TENM2: variants seen among roughly 807,000 people sequenced by gnomAD.
TENM2 encodes the protein teneurin transmembrane protein 2.
Under a neutral mutation model 245.2 loss-of-function variants are expected in TENM2, and 52 were observed. The observed-to-expected ratio is 0.21, with a 90% CI of 0.17 to 0.27. TENM2 has a LOEUF of 0.27. TENM2 is among the 10% of genes least tolerant of loss of function. The pLI is 1.00. For synonymous variants in TENM2, 1,363 were observed against 1,438.9 expected, an observed-to-expected ratio of 0.95 and a Z score of 1.19; for missense variants, 3,046 against 3,666.8, an observed-to-expected ratio of 0.83 and a Z score of 4.37.
At chr5:168,005,575 G>C (rs1017139081) in intron 5 of TENM2, among the ~76,000 whole-genome samples, 1 of 152,196 alleles carries the variant, frequency 6.6e-6, no homozygotes, top group African/African-American at 2.4e-5. Flanking sequence ...GACTAAAGTG[G>C]CTCTTGGCTT....
At chr5:167,407,667 A>C (rs1762707490) in intron 2 of TENM2, among the ~76,000 whole-genome samples, 1 of 152,090 alleles carries the variant, frequency 6.6e-6, no homozygotes, top group Admixed American at 6.6e-5. Context: ...AAAATACAAA[A>C]ATTAGCTGGT....
chr5:167,468,569 A>G lies in TENM2; in HGVS notation c.502+93096A>G, dbSNP rs148307600. Among the ~76,000 whole-genome samples the G allele has an allele frequency of 5.9e-5, 9 of 152,326 alleles. No homozygotes were observed. In the East Asian group the frequency reaches 1.7e-3, roughly 29 times the overall value. On this transcript the variant is annotated intron_variant, in intron 2 of 28. Coordinates refer to ENST00000518659, the Ensembl canonical transcript of TENM2. ...AGGGCATCATTATTATTTTTTCCAT[A>G]AGTCTTAGAAAGGGGAAACCAAAAA...
rs1783798126 is a variant in TENM2 at position 167,993,186 on chromosome 5, A to G, written c.1186+4A>G. The G allele has an allele frequency of 1.9e-6, 3 of 1,612,764 alleles. No individual in the cohort carries two copies. Among genetic ancestry groups the G allele is most frequent in the Non-Finnish European group, 1.7e-6 (2 of 1,178,852 alleles). On this transcript the variant is annotated splice_donor_region_variant and intron_variant, in intron 5 of 28. Coordinates refer to ENST00000518659, the Ensembl canonical transcript of TENM2. ...ATTTTGCTGGCGTATTTCATAGGTA[A>G]GTCAGGGCAGCCTTATTCAGCAACG...
chr5:167,776,653 A>G (rs1240366011), intron 2 of TENM2, among the ~76,000 whole-genome samples: 2 of 140,818 alleles, frequency 1.4e-5, no homozygotes, highest in Non-Finnish European at 3.0e-5. Flanking sequence ...ATATATATAT[A>G]TATATATATA....
At chr5:168,011,165 G>T (rs892248870) in intron 5 of TENM2, among the ~76,000 whole-genome samples, 1 of 152,204 alleles carries the variant, frequency 6.6e-6, no homozygotes, top group African/African-American at 2.4e-5. Flanking sequence ...CCTAAGATGT[G>T]CAAAGTTATT....
the TENM2 span, among the ~76,000 whole-genome samples, chr5:167,264,797 G>C: frequency 6.6e-6 from 1 of 152,046 alleles, no homozygotes; most frequent in Non-Finnish European, 1.5e-5. Context: ...CACACTTCGG[G>C]CATTTAATGT....
At chr5:167,708,444 G>C (rs886635164) in intron 2 of TENM2, among the ~76,000 whole-genome samples, 2 of 152,088 alleles carry the variant, frequency 1.3e-5, no homozygotes, top group Admixed American at 1.3e-4. Flanking sequence ...AAGGCAACTG[G>C]ACTACAATTT....
chr5:167,377,234 ACAT>A lies in TENM2; in HGVS notation c.502+1763_502+1765del, dbSNP rs1240071703. Among the ~76,000 whole-genome samples the A allele has an allele frequency of 3.3e-5, 5 of 152,292 alleles. No homozygotes were observed. In the East Asian group the frequency reaches 9.7e-4, roughly 29 times the overall value. On this transcript the variant is annotated intron_variant, in intron 2 of 28. Transcript: ENST00000518659. ...TTTCATTTTTTTCATATTATTTGAAACATCGTATTTGAATAATTTTTACTTTCT... is the reference window on the plus strand; with the variant it reads ...TTTCATTTTTTTCATATTATTTGAAACGTATTTGAATAATTTTTACTTTCT...
chr5:167,300,309 A>G (rs538156504), intron 1 of TENM2, among the ~76,000 whole-genome samples: 2 of 152,312 alleles, frequency 1.3e-5, no homozygotes, highest in Admixed American at 6.5e-5. Context: ...AGTACAGCCC[A>G]GGTAATTTGC....
the TENM2 span, among the ~76,000 whole-genome samples, chr5:167,266,018 A>C: frequency 6.6e-6 from 1 of 152,158 alleles, no homozygotes; most frequent in Non-Finnish European, 1.5e-5. Context: ...CACTTTGGAG[A>C]TACACAAGAA....
chr5:167,673,832 G>A (rs1032061741), intron 2 of TENM2, among the ~76,000 whole-genome samples: 1 of 151,798 alleles, frequency 6.6e-6, no homozygotes, highest in African/African-American at 2.4e-5. Flanking sequence ...GAACCCTGCA[G>A]GCACTTGACA....
chr5:167,391,787 G>C (rs995583415), intron 2 of TENM2, among the ~76,000 whole-genome samples: 1 of 152,136 alleles, frequency 6.6e-6, no homozygotes, highest in Non-Finnish European at 1.5e-5. Flanking sequence ...AGGCAATGTG[G>C]ATAATTGTGT....
the TENM2 span, among the ~76,000 whole-genome samples, chr5:167,258,585 A>G: frequency 6.6e-6 from 1 of 152,132 alleles, no homozygotes; most frequent in South Asian, 2.1e-4. Context: ...GAACATCCTT[A>G]TTTAGAATTC....
At position 168,244,643 on chromosome 5, in the gene TENM2, T is replaced by C; in HGVS notation, c.5744T>C (p.Ile1915Thr). The C allele has an allele frequency of 6.4e-7, 1 of 1,565,994 alleles. No individual in the cohort carries two copies. Among genetic ancestry groups the C allele is most frequent in the South Asian group, 1.2e-5 (1 of 85,500 alleles). ...GGGGCCATGAGCGAGAGGACAGACA[T>C]CGACAAGCAAGGCCGCATCGTGTCC... Residue 1915 changes from isoleucine (I) to threonine (T), a missense_variant, in exon 26 of 29, where the codon ATC becomes ACC. Ile to Thr is a moderately conservative substitution (Grantham distance 89). This residue lies in a region of TENM2 where 2,704 missense variants were observed against 3,331.9 expected (regional missense o/e 0.81). Coordinates refer to ENST00000518659, the Ensembl canonical transcript of TENM2. This position sits in a 1 kb window ranked among gnomAD's most constrained non-coding sequence, Gnocchi z 4.9.
chr5:167,312,150 ATATATAT>A (rs1367465642), intron 1 of TENM2, among the ~76,000 whole-genome samples: 1 of 152,206 alleles, frequency 6.6e-6, no homozygotes, highest in Admixed American at 6.5e-5. Flanking sequence ...CGTATGTTAG[ATATATAT>A]TATATAAATC....
At chr5:168,027,771 T>C (rs528821433) in intron 5 of TENM2, among the ~76,000 whole-genome samples, 16 of 152,342 alleles carry the variant, frequency 1.1e-4, no homozygotes, top group African/African-American at 3.4e-4. Flanking sequence ...TCTCTATATA[T>C]GTTTTGTTTA....
chr5:167,123,935 T>C, the TENM2 span, among the ~76,000 whole-genome samples: 1 of 152,220 alleles, frequency 6.6e-6, no homozygotes, highest in Non-Finnish European at 1.5e-5. Flanking sequence ...TTAAAGAACT[T>C]CTAACTCTAA....
At chr5:166,995,628 C>A in the TENM2 span, among the ~76,000 whole-genome samples, 3 of 151,338 alleles carry the variant, frequency 2.0e-5, no homozygotes, top group East Asian at 6.0e-4. Flanking sequence ...CCAGCCTGGC[C>A]AACATGGTGA....
At chr5:167,782,698 CA>C (rs1764282086) in intron 2 of TENM2, among the ~76,000 whole-genome samples, 1 of 152,172 alleles carries the variant, frequency 6.6e-6, no homozygotes, top group Non-Finnish European at 1.5e-5. Flanking sequence ...ATTAAAGAGA[CA>C]AAAAGTCCCC....
Sources: gnomAD v4.1 joint callset for allele counts (sites outside exome capture counted in the v4.1 genomes callset) on GRCh38, gnomAD v4.1.1 for gene constraint, gnomAD v4.1.1 regional missense constraint, Gnocchi (gnomAD v3.1) non-coding constraint, MANE v1.5 for transcripts, NCBI Gene and HGNC (gene_info 2026-07-23, HGNC 2026-07-21) for gene names.